Variants in ANKS1B observed in about 807,000 individuals in gnomAD.
ANKS1B encodes ankyrin repeat and sterile alpha motif domain-containing protein 1B.
Under a neutral mutation model 148.3 loss-of-function variants are expected in ANKS1B, and 36 were observed. The ratio of observed to expected loss-of-function variants is 0.24; its 90% CI spans 0.19 to 0.32. The LOEUF (loss-of-function observed/expected upper bound fraction) is 0.32, where lower values mean the gene tolerates loss of function less well. Ranked by LOEUF, ANKS1B falls within the 10% of genes least tolerant of loss-of-function variation. ANKS1B has a pLI of 1.00. For synonymous variants in ANKS1B, 542 were observed against 560.8 expected, an observed-to-expected ratio of 0.97 and a Z score of 0.47; for missense variants, 1,157 against 1,542.6, an observed-to-expected ratio of 0.75 and a Z score of 4.19.
chr12:99,270,350 A>G (rs2076907486), intron 12 of ANKS1B, among the ~76,000 whole-genome samples: 1 of 152,190 alleles, frequency 6.6e-6, no homozygotes, highest in African/African-American at 2.4e-5. Context: ...ATTTAAAGTA[A>G]TCATCCTCTT....
At chr12:99,109,609 A>G (rs7302333) in intron 15 of ANKS1B, among the ~76,000 whole-genome samples, 13,558 of 152,214 alleles carry the variant, frequency 0.089, 1,507 homozygotes, top group African/African-American at 0.26. Context: ...CAAAATACAT[A>G]TAAGTGATAA....
At chr12:99,632,725 TTCTATA>T (rs1417037967) in intron 9 of ANKS1B, among the ~76,000 whole-genome samples, 2 of 26,214 alleles carry the variant, frequency 7.6e-5, no homozygotes, top group Middle Eastern at 0.02. Flanking sequence ...TTCCTTTTCT[TTCTATA>T]TATATATATA....
chr12:99,916,311 C>A (rs1027419066), intron 1 of ANKS1B, among the ~76,000 whole-genome samples: 1 of 152,096 alleles, frequency 6.6e-6, no homozygotes, highest in Non-Finnish European at 1.5e-5. Flanking sequence ...AAGTGGAATA[C>A]CCAAACCTTT....
chr12:99,178,353 T>C (rs2078658729), intron 14 of ANKS1B, among the ~76,000 whole-genome samples: 1 of 152,210 alleles, frequency 6.6e-6, no homozygotes, highest in African/African-American at 2.4e-5. Context: ...CCACAATGGG[T>C]AATGCACATG....
At chr12:98,969,765 ATCC>A (rs2099881609) in intron 17 of ANKS1B, among the ~76,000 whole-genome samples, 1 of 152,194 alleles carries the variant, frequency 6.6e-6, no homozygotes, top group Non-Finnish European at 1.5e-5. Context: ...CACAGAGAAC[ATCC>A]TCCTAATACT....
chr12:99,275,361 G>A (rs1439756069), intron 12 of ANKS1B, among the ~76,000 whole-genome samples: 1 of 151,962 alleles, frequency 6.6e-6, no homozygotes. Context: ...CCCAGCCTCT[G>A]ATAACCTTCA....
intron 4 of ANKS1B, among the ~76,000 whole-genome samples, chr12:99,793,221 C>A (rs2065873123): frequency 6.6e-6 from 1 of 152,016 alleles, no homozygotes; most frequent in Non-Finnish European, 1.5e-5. Context: ...ATTCCATGCT[C>A]ATGAATTGGA....
intron 1 of ANKS1B, among the ~76,000 whole-genome samples, chr12:99,886,201 G>T (rs2092815000): frequency 6.6e-6 from 1 of 152,164 alleles, no homozygotes. Context: ...GGCCATTCTG[G>T]CTTGGGTAAG....
intron 8 of ANKS1B, among the ~76,000 whole-genome samples, chr12:99,686,269 C>T (rs954771653): frequency 1.3e-5 from 2 of 152,086 alleles, no homozygotes; most frequent in African/African-American, 2.4e-5. Context: ...AGTATAACAG[C>T]CAAGTTTCAG....
chr12:99,786,259 C>G (rs1009914209), intron 4 of ANKS1B, among the ~76,000 whole-genome samples: 5 of 152,128 alleles, frequency 3.3e-5, no homozygotes, highest in Admixed American at 3.3e-4. Context: ...TTCCCCACAG[C>G]CTTAGGGAAA....
intron 11 of ANKS1B, among the ~76,000 whole-genome samples, chr12:99,439,113 A>AT (rs887281292): frequency 6.6e-6 from 1 of 151,674 alleles, no homozygotes; most frequent in South Asian, 2.1e-4. Context: ...GTAAATAACA[A>AT]TTTTTTTCCT....
rs571301984 is a variant in ANKS1B at position 99,114,455 on chromosome 12, T to C, written c.2527-29432A>G. Among the ~76,000 whole-genome samples, 262 of 152,240 alleles carry C rather than the reference T, an allele frequency of 1.7e-3. 2 individuals carry two copies. The highest frequency in any genetic ancestry group is 6.8e-3 in the Middle Eastern group (2 of 294). On this transcript the variant is annotated intron_variant, in intron 15 of 26. Coordinates refer to ENST00000683438, the MANE Select transcript of ANKS1B (RefSeq NM_001352186.2). ...ACAGAAGTCTAATATACAGCATCTA[T>C]AAAGAATTTAAACAGGGTGGGCATG...
intron 9 of ANKS1B, among the ~76,000 whole-genome samples, chr12:99,613,474 G>A (rs952462747): frequency 6.6e-6 from 1 of 151,976 alleles, no homozygotes; most frequent in Non-Finnish European, 1.5e-5. Flanking sequence ...ATGATACAAT[G>A]GATAAAGAAA....
chr12:98,836,933 A>G (rs2099367132), intron 17 of ANKS1B, among the ~76,000 whole-genome samples: 1 of 152,236 alleles, frequency 6.6e-6, no homozygotes, highest in Non-Finnish European at 1.5e-5. Context: ...ACAATATTGG[A>G]GAGATCAGGC....
chr12:99,824,804 G>T (rs117244037), intron 2 of ANKS1B, among the ~76,000 whole-genome samples: 1 of 152,086 alleles, frequency 6.6e-6, no homozygotes, highest in African/African-American at 2.4e-5. Flanking sequence ...AAAATTTAGG[G>T]TTGGCAAATC....
chr12:98,957,637 T>C (rs11109684), intron 17 of ANKS1B, among the ~76,000 whole-genome samples: 11,012 of 152,160 alleles, frequency 0.072, 1,114 homozygotes, highest in African/African-American at 0.23. Context: ...TGAGCTGCCA[T>C]GCCCGGCCTT....
intron 10 of ANKS1B, among the ~76,000 whole-genome samples, chr12:99,486,503 C>T (rs2096491597): frequency 6.7e-6 from 1 of 149,610 alleles, no homozygotes; most frequent in African/African-American, 2.5e-5. Context: ...TATTTTTCCC[C>T]AGTATTTTAT....
intron 4 of ANKS1B, among the ~76,000 whole-genome samples, chr12:99,789,160 C>G (rs1437480928): frequency 6.6e-6 from 1 of 152,134 alleles, no homozygotes; most frequent in East Asian, 1.9e-4. Context: ...GGTGGCTCAG[C>G]ACAGAAAGAC....
chr12:99,608,072 G>A (rs2097864100), intron 9 of ANKS1B, among the ~76,000 whole-genome samples: 1 of 152,058 alleles, frequency 6.6e-6, no homozygotes. Context: ...GTCTCTTAGA[G>A]CTGAGGTAAA....
Sources: gnomAD v4.1 joint callset for allele counts (sites outside exome capture counted in the v4.1 genomes callset) on GRCh38, gnomAD v4.1.1 for gene constraint, MANE v1.5 for transcripts, NCBI Gene and HGNC (gene_info 2026-07-23, HGNC 2026-07-21) for gene names.